Variants in TMEM176B observed in about 807,000 individuals in gnomAD.
TMEM176B encodes LR8-like protein.
TMEM176B carries 28 observed loss-of-function variants against 30.3 expected under a neutral mutation model. The observed-to-expected ratio is 0.92, with a 90% CI of 0.68 to 1.27. The LOEUF is 1.27. Ranked by LOEUF, TMEM176B falls within the 50% of genes most tolerant of loss-of-function variation. TMEM176B has a pLI of 0.00. For synonymous variants in TMEM176B, 123 were observed against 130.3 expected, an observed-to-expected ratio of 0.94 and a Z score of 0.38; for missense variants, 349 against 327.4, an observed-to-expected ratio of 1.07 and a Z score of -0.51.
intron 1 of TMEM176B, among the ~76,000 whole-genome samples, chr7:150,799,094 TG>T (rs1442519823): frequency 6.6e-6 from 1 of 152,236 alleles, no homozygotes; most frequent in East Asian, 1.9e-4. Context: ...GCCGACCATC[TG>T]GAATTTGGGA....
At chr7:150,793,043 A>G (rs1383626561) in intron 5 of TMEM176B, 45 bp downstream of exon 5, 3 of 1,601,100 alleles carry the variant, frequency 1.9e-6, no homozygotes, top group Non-Finnish European at 2.6e-6. Context: ...CCCTGGGAAA[A>G]AAGAGCTGTG....
chr7:150,799,608 C>T (rs1798680836), intron 1 of TMEM176B, among the ~76,000 whole-genome samples: 1 of 152,260 alleles, frequency 6.6e-6, no homozygotes, highest in Non-Finnish European at 1.5e-5. Context: ...CTCTTTCACC[C>T]ACCTGGCCTC....
chr7:150,793,556 CG>C lies in TMEM176B; in HGVS notation c.359del (p.Pro120ArgfsTer28). On this transcript the variant is annotated frameshift_variant, in exon 4 of 7. Transcript: ENST00000326442. LOFTEE classifies it high-confidence loss of function. ...GTCCAAGACTCACAGCAAGTTTGCC[CG>C]GGTGCTTCTCATGGACAATGGCCCC... ...GAGAIVHEKH[P>X]GKLAGYISSL... 20 of 1,613,448 alleles carry C rather than the reference CG, an allele frequency of 1.2e-5. No individual in the cohort carries two copies. Among genetic ancestry groups the C allele is most frequent in the Non-Finnish European group, 1.7e-5 (20 of 1,179,758 alleles).
chr7:150,800,365 G>T (rs1236296326), upstream of TMEM176B: 1 of 152,232 alleles, frequency 6.6e-6, no homozygotes, highest in Non-Finnish European at 1.5e-5. Flanking sequence ...GGGGAGCGAC[G>T]GGAGGGCGGA....
At chr7:150,795,637 T>C (rs572517258) in intron 2 of TMEM176B, among the ~76,000 whole-genome samples, 23 of 152,230 alleles carry the variant, frequency 1.5e-4, no homozygotes, top group Non-Finnish European at 2.8e-4. Context: ...TCAGTCCATG[T>C]GGGGTCAATA....
At chr7:150,792,581 G>A (rs1167828019) in intron 5 of TMEM176B, among the ~76,000 whole-genome samples, 2 of 152,058 alleles carry the variant, frequency 1.3e-5, no homozygotes, top group African/African-American at 2.4e-5. Context: ...AGCCATTGCC[G>A]GCTCTTGCTG....
chr7:150,797,923 T>G (rs1377198760), intron 1 of TMEM176B, among the ~76,000 whole-genome samples: 2 of 152,220 alleles, frequency 1.3e-5, no homozygotes, highest in Non-Finnish European at 2.9e-5. Context: ...ATTTGCAATT[T>G]TAGTAGATAT....
rs750016814 is a variant in TMEM176B at position 150,796,556 on chromosome 7, G to A, written c.14C>T (p.Thr5Met). 59 of 1,613,846 alleles carry A rather than the reference G, an allele frequency of 3.7e-5. No individual in the cohort carries two copies. Among genetic ancestry groups the A allele is most frequent in the East Asian group, 1.1e-4 (5 of 44,904 alleles). The change falls in exon 2 of 7, where the codon ACG (threonine) becomes ATG (methionine). Residue 5 changes from threonine to methionine, a missense_variant. Transcript: ENST00000326442. ...CATAGCAACTCCATTCACAATCACC[G>A]TGTTTTGCGTCATCCTGCCTGCCAG... Reference protein sequence around the residue: MTQNTVIVNGVAMAS... With the variant: MTQNMVIVNGVAMAS...
chr7:150,797,991 A>C (rs1470624790), intron 1 of TMEM176B, among the ~76,000 whole-genome samples: 2 of 152,208 alleles, frequency 1.3e-5, no homozygotes, highest in African/African-American at 4.8e-5. Context: ...AAACTCTTTT[A>C]TCTTTTTCCT....
intron 3 of TMEM176B, 146 bp from the exon 4 acceptor site, chr7:150,793,746 C>T (rs1798411015): frequency 1.1e-6 from 1 of 942,384 alleles, no homozygotes; most frequent in Admixed American, 2.2e-5. Context: ...ACCAGGATTC[C>T]ACCTATACCT....
chr7:150,791,751 G>GT, intron 6 of TMEM176B, 128 bp from the exon 7 acceptor site: 1 of 844,624 alleles, frequency 1.2e-6, no homozygotes, highest in Non-Finnish European at 1.7e-6. Context: ...AGCAGATCAG[G>GT]CAAAAAAAAA....
intron 2 of TMEM176B, 104 bp downstream of exon 2, chr7:150,796,262 C>T: frequency 7.1e-6 from 8 of 1,133,162 alleles, no homozygotes; most frequent in Admixed American, 4.5e-5. Flanking sequence ...GCAATTCTCT[C>T]CTCCCAAATA....
intron 5 of TMEM176B, 87 bp downstream of exon 5, chr7:150,793,001 G>T (rs1030700124): frequency 1.5e-6 from 2 of 1,308,812 alleles, no homozygotes; most frequent in South Asian, 1.2e-5. Context: ...AGCTCAAAGA[G>T]CCTACATCTC....
rs1798400830 is a variant in TMEM176B at position 150,793,539 on chromosome 7, C to T, written c.372+5G>A. 6.2e-7 allele frequency: 1 copy of T among 1,612,968 alleles called. No homozygotes were observed. The highest frequency in any genetic ancestry group is 8.5e-7 in the Non-Finnish European group (1 of 1,179,572). On this transcript the variant is annotated splice_donor_5th_base_variant and intron_variant, in intron 4 of 6. Transcript: ENST00000326442. The stretch of plus-strand genomic sequence containing the variant: ...CAAGGTGGAGAGAGGGTGTCCAAGA[C>T]TCACAGCAAGTTTGCCCGGGTGCTT...
In TMEM176B at chr7:150,796,348, G is replaced by T. The variant is rs750643132; in HGVS notation, c.204+18C>A. ...CCTCGTTAACGTGCCCCCCAACCCC[G>T]CACCACCCCAGTCTTACCCCTAGAG... On this transcript the variant is annotated intron_variant, in intron 2 of 6. Coordinates refer to ENST00000326442, the MANE Select transcript of TMEM176B (RefSeq NM_001101312.2). The T allele has an allele frequency of 1.2e-6, 2 of 1,610,902 alleles. No individual in the cohort carries two copies. Among genetic ancestry groups the T allele is most frequent in the South Asian group, 1.1e-5 (1 of 90,984 alleles).
chr7:150,799,658 A>C (rs1451691715), intron 1 of TMEM176B, among the ~76,000 whole-genome samples: 1 of 152,222 alleles, frequency 6.6e-6, no homozygotes, highest in African/African-American at 2.4e-5. Context: ...AATTCCGCAC[A>C]CGTACAAAGG....
In TMEM176B at chr7:150,800,314, GCC is replaced by G. The variant is rs1798725970; in HGVS notation, c.-24_-23del. 6.6e-6 allele frequency: 1 copy of G among 152,336 alleles called. No individual in the cohort carries two copies. 9.4% of individuals were successfully genotyped at this position (152,336 alleles called of 1,614,324 possible). ...CTGCCTCACCTGCAGTCCTCCGGGA[GCC>G]CGCGGCCGAGCAGAGCGGACACTAG... On this transcript the variant is annotated 5_prime_UTR_variant, in exon 1 of 7. Transcript: ENST00000326442.
rs186550650 is a variant in TMEM176B at position 150,793,211 on chromosome 7, G to A, written c.477C>T (p.Tyr159=). The A allele has an allele frequency of 1.1e-5, 18 of 1,614,244 alleles. No homozygotes were observed. In the Admixed American group the frequency reaches 2.2e-4, roughly 19 times the overall value. The part of the protein sequence containing the change: ...SFIWQTEPFL[Y]IDTVCDRSDP... Reference sequence around the variant, plus strand: ...CTGAGCGATCACACACAGTGTCGATGTATAAAAAGGGTTCAGTTTGCCAGA... The same window carrying A: ...CTGAGCGATCACACACAGTGTCGATATATAAAAAGGGTTCAGTTTGCCAGA... The change falls in exon 5 of 7, where the codon TAC becomes TAT. Residue 159 remains tyrosine (Y), a synonymous_variant. Coordinates refer to ENST00000326442, the MANE Select transcript of TMEM176B (RefSeq NM_001101312.2).
chr7:150,792,969 G>A, intron 5 of TMEM176B, 119 bp downstream of exon 5: 4 of 899,792 alleles, frequency 4.4e-6, no homozygotes, highest in Non-Finnish European at 6.9e-6. Context: ...CCTCCTGAAT[G>A]AAAGACCCAG....
Sources: gnomAD v4.1 joint callset for allele counts (sites outside exome capture counted in the v4.1 genomes callset) on GRCh38, gnomAD v4.1.1 for gene constraint, MANE v1.5 for transcripts, NCBI Gene and HGNC (gene_info 2026-07-23, HGNC 2026-07-21) for gene names.